MYO16: variants seen among roughly 807,000 people sequenced by gnomAD.
The protein encoded by MYO16 is myosin XVI.
Under a neutral mutation model 205.3 loss-of-function variants are expected in MYO16, and 94 were observed. That is an observed-to-expected ratio of 0.46 (90% CI 0.39 to 0.54). MYO16 has a LOEUF of 0.54. Ranked by LOEUF, MYO16 falls within the 20% of genes least tolerant of loss-of-function variation. The pLI, the probability that MYO16 is intolerant of heterozygous loss-of-function variation, is 0.00. For synonymous variants in MYO16, 988 were observed against 954.0 expected (o/e 1.04, Z -0.66); for missense variants, 2,315 against 2,387.5 (o/e 0.97, Z 0.63).
intron 27 of MYO16, among the ~76,000 whole-genome samples, chr13:109,088,813 CTGGCCA>C (rs2139684889): frequency 6.6e-6 from 1 of 152,326 alleles, no homozygotes; most frequent in East Asian, 1.9e-4. Context: ...CCACAGCAGC[CTGGCCA>C]TGGCCAGACG....
chr13:108,504,675 ACCGG>A, the MYO16 span, among the ~76,000 whole-genome samples: 2 of 151,990 alleles, frequency 1.3e-5, no homozygotes, highest in Admixed American at 6.6e-5. Context: ...AGCTGGGACT[ACCGG>A]CACACACCAC....
intron 28 of MYO16, among the ~76,000 whole-genome samples, chr13:109,110,360 T>C (rs1889248155): frequency 6.6e-6 from 1 of 152,194 alleles, no homozygotes; most frequent in East Asian, 1.9e-4. Context: ...ACATAGTGAG[T>C]CATTCACTAG....
In MYO16 at chr13:109,083,265, CCCAGCTACTCGGGAG is replaced by C. The variant is rs574213333; in HGVS notation, c.3336-17519_3336-17505del. Among the ~76,000 whole-genome samples the C allele has an allele frequency of 1.9e-4, 29 of 151,660 alleles. No homozygotes were observed. The South Asian group carries it at 6.1e-3, about 32-fold the overall frequency. The stretch of plus-strand genomic sequence containing the variant: ...GGACGTGGTGGTGGGCGCCTGTAAT[CCCAGCTACTCGGGAG>C]GCTGAGGCTGGATAATCACTTGAAC... On this transcript the variant is annotated intron_variant, in intron 27 of 34. Coordinates refer to ENST00000457511, the MANE Select transcript of MYO16 (RefSeq NM_001198950.3).
chr13:108,566,540 G>A, the MYO16 span, among the ~76,000 whole-genome samples: 184 of 152,062 alleles, frequency 1.2e-3, no homozygotes, highest in Middle Eastern at 3.4e-3. Flanking sequence ...ACTGAGGCAG[G>A]AGAATTGCTA....
chr13:108,889,648 A>G (rs953770938), intron 14 of MYO16, among the ~76,000 whole-genome samples: 1 of 152,132 alleles, frequency 6.6e-6, no homozygotes, highest in African/African-American at 2.4e-5. Flanking sequence ...CCATTTCTAT[A>G]TTTCTTTTGG....
intron 27 of MYO16, among the ~76,000 whole-genome samples, chr13:109,059,653 A>C (rs566635927): frequency 1.3e-5 from 2 of 151,964 alleles, no homozygotes; most frequent in Non-Finnish European, 2.9e-5. Context: ...TAGATTCTGG[A>C]TGTTAGACCT....
At chr13:109,083,961 T>G (rs1240199511) in intron 27 of MYO16, among the ~76,000 whole-genome samples, 1 of 152,230 alleles carries the variant, frequency 6.6e-6, no homozygotes, top group Non-Finnish European at 1.5e-5. Context: ...TTGCAACACA[T>G]ATATAATGCA....
chr13:108,680,974 T>A (rs1456125124), intron 2 of MYO16, among the ~76,000 whole-genome samples: 2 of 152,244 alleles, frequency 1.3e-5, no homozygotes, highest in African/African-American at 4.8e-5. Flanking sequence ...ATGTCAAATG[T>A]CCTTCTCATG....
chr13:108,669,758 T>C (rs953769454), intron 2 of MYO16, among the ~76,000 whole-genome samples: 1 of 152,122 alleles, frequency 6.6e-6, no homozygotes, highest in Non-Finnish European at 1.5e-5. Flanking sequence ...ATAGAATGAG[T>C]TCATGTCCTT....
intron 32 of MYO16, among the ~76,000 whole-genome samples, chr13:109,155,462 C>T (rs1053184586): frequency 2.0e-5 from 3 of 152,112 alleles, no homozygotes; most frequent in African/African-American, 7.2e-5. Flanking sequence ...CAGTAGAGGG[C>T]CGGGCAAATC....
chr13:108,843,109 G>A (rs1055988183), intron 9 of MYO16, among the ~76,000 whole-genome samples: 6 of 151,360 alleles, frequency 4.0e-5, no homozygotes, highest in African/African-American at 1.5e-4. Flanking sequence ...TGGGAGCAAG[G>A]GAAGGTGTCA....
In MYO16 at chr13:109,047,041, C is replaced by T. The variant is rs778726257; in HGVS notation, c.2872+50C>T. On this transcript the variant is annotated intron_variant, in intron 24 of 34. Coordinates refer to ENST00000457511, the MANE Select transcript of MYO16 (RefSeq NM_001198950.3). ...TACACTGGTTAAAATGCCATGCATC[C>T]GTTATTTCTTTATCTCTGAATATTT... is the stretch of plus-strand genomic sequence containing the variant. 7.1e-5 allele frequency: 92 copies of T among 1,298,870 alleles called. 1 individual carries two copies. The Admixed American group carries it at 1.5e-3, about 21-fold the overall frequency. The allele number at this position is 1,298,870 out of a possible 1,614,324, so 80.5% of individuals were successfully genotyped here. A position where few individuals can be genotyped will look rare whatever the true frequency, so the allele number is the denominator to read the frequency against.
chr13:108,754,376 T>C (rs1885352957), intron 4 of MYO16, among the ~76,000 whole-genome samples: 2 of 152,204 alleles, frequency 1.3e-5, no homozygotes, highest in African/African-American at 2.4e-5. Context: ...AATGAGTGTT[T>C]ACAAGCTGAG....
At chr13:109,039,103 A>C (rs1490857164) in intron 23 of MYO16, among the ~76,000 whole-genome samples, 5 of 152,198 alleles carry the variant, frequency 3.3e-5, no homozygotes, top group Admixed American at 1.3e-4. Flanking sequence ...CTTTATCTTC[A>C]CCCAGAAATA....
At chr13:108,636,777 CTA>C (rs1327455687) in intron 1 of MYO16, among the ~76,000 whole-genome samples, 1 of 152,060 alleles carries the variant, frequency 6.6e-6, no homozygotes, top group Non-Finnish European at 1.5e-5. Context: ...TTTATAGTAC[CTA>C]TATTCTACTA....
At chr13:108,666,215 G>T in intron 2 of MYO16, 66 bp downstream of exon 2, 1 of 1,490,084 alleles carries the variant, frequency 6.7e-7, no homozygotes, top group Non-Finnish European at 9.0e-7. Context: ...TTGTTGGTTT[G>T]TTGTTTTTTT....
chr13:108,682,471 C>T (rs576000949), intron 2 of MYO16, among the ~76,000 whole-genome samples: 49 of 151,626 alleles, frequency 3.2e-4, no homozygotes, highest in East Asian at 1.8e-3. Flanking sequence ...TAGTCAGAGC[C>T]GCGGGCACAC....
At chr13:109,052,504 T>G in intron 25 of MYO16, 29 bp downstream of exon 25, 1 of 1,507,442 alleles carries the variant, frequency 6.6e-7, no homozygotes, top group Non-Finnish European at 9.0e-7. Flanking sequence ...ATTGTTGGAT[T>G]ATTTTTAATT....
intron 34 of MYO16, among the ~76,000 whole-genome samples, chr13:109,194,917 T>TA (rs1034176447): frequency 1.3e-5 from 2 of 152,130 alleles, no homozygotes; most frequent in Admixed American, 6.5e-5. Context: ...TGATTTGTAG[T>TA]AAAATTTTTA....
Sources: allele counts gnomAD v4.1 joint callset (sites outside exome capture counted in the v4.1 genomes callset), GRCh38; gene constraint gnomAD v4.1.1; transcripts MANE v1.5; gene names NCBI Gene and HGNC (gene_info 2026-07-23, HGNC 2026-07-21).